Variants in GAREM1 observed in about 807,000 individuals in gnomAD.
GAREM1 encodes the protein GRB2-associated and regulator of MAPK protein 1.
In GAREM1, 26 loss-of-function variants were observed where a neutral mutation model predicts 71.3. The ratio of observed to expected loss-of-function variants is 0.36; its 90% CI spans 0.27 to 0.51. The LOEUF is 0.51. Among genes scored for constraint, GAREM1 ranks in the 20% least tolerant of loss-of-function variants. The probability of loss-of-function intolerance (pLI) is 0.95; values close to 1 mark genes in which losing one functional copy is unlikely to be tolerated. For missense variants in GAREM1, 1,026 were observed against 1,103.1 expected, an observed-to-expected ratio of 0.93 and a Z score of 0.99; for synonymous variants, 440 against 433.2, an observed-to-expected ratio of 1.02 and a Z score of -0.20.
intron 2 of GAREM1, among the ~76,000 whole-genome samples, chr18:32,338,278 G>C (rs1414029826): frequency 7.2e-5 from 11 of 152,038 alleles, no homozygotes; most frequent in Non-Finnish European, 1.5e-5. Context: ...CATTCCCATA[G>C]TCTGTCTCTG....
intron 2 of GAREM1, among the ~76,000 whole-genome samples, chr18:32,383,829 T>A (rs1479258237): frequency 1.3e-5 from 2 of 152,180 alleles, no homozygotes; most frequent in East Asian, 3.8e-4. Flanking sequence ...GGTTTTTTTT[T>A]AATACTATAC....
intron 4 of GAREM1, among the ~76,000 whole-genome samples, chr18:32,271,402 A>T (rs1034357674): frequency 8.5e-5 from 13 of 152,126 alleles, no homozygotes; most frequent in South Asian, 2.1e-4. Context: ...GATGTTGGCC[A>T]GGCTGGTCTT....
At chr18:32,466,347 C>A (rs1331029806) in intron 1 of GAREM1, among the ~76,000 whole-genome samples, 1 of 152,022 alleles carries the variant, frequency 6.6e-6, no homozygotes, top group Non-Finnish European at 1.5e-5. Flanking sequence ...ATTCTTGAAT[C>A]TCATGAATTT....
At chr18:32,444,047 C>T (rs1031554192) in intron 1 of GAREM1, among the ~76,000 whole-genome samples, 5 of 152,022 alleles carry the variant, frequency 3.3e-5, no homozygotes, top group African/African-American at 1.2e-4. Context: ...TCCATTTACA[C>T]AAAATGTCCA....
At chr18:32,429,763 C>G (rs2048606068) in intron 1 of GAREM1, among the ~76,000 whole-genome samples, 1 of 152,186 alleles carries the variant, frequency 6.6e-6, no homozygotes, top group African/African-American at 2.4e-5. Context: ...TAAAGGTGAA[C>G]TTTAATTCTA....
intron 3 of GAREM1, among the ~76,000 whole-genome samples, chr18:32,306,502 C>G (rs2047257738): frequency 6.6e-6 from 1 of 152,124 alleles, no homozygotes; most frequent in South Asian, 2.1e-4. Flanking sequence ...ATCCTCCACC[C>G]CACAGTCATG....
intron 2 of GAREM1, among the ~76,000 whole-genome samples, chr18:32,376,783 A>G (rs1254488710): frequency 6.6e-6 from 1 of 152,224 alleles, no homozygotes; most frequent in Non-Finnish European, 1.5e-5. Context: ...GGCTGCAATG[A>G]GCCGAGATTG....
At chr18:32,340,260 T>C (rs1567970763) in intron 2 of GAREM1, among the ~76,000 whole-genome samples, 2 of 152,242 alleles carry the variant, frequency 1.3e-5, no homozygotes, top group Non-Finnish European at 2.9e-5. Context: ...TGACAAGTGA[T>C]GGGTGTCAGT....
At chr18:32,342,005 C>T (rs1194361209) in intron 2 of GAREM1, among the ~76,000 whole-genome samples, 1 of 150,590 alleles carries the variant, frequency 6.6e-6, no homozygotes, top group Admixed American at 6.6e-5. Context: ...TATTGCAGGC[C>T]ACCAAAAAAG....
intron 2 of GAREM1, among the ~76,000 whole-genome samples, chr18:32,315,584 G>A (rs182464001): frequency 2.4e-4 from 36 of 150,932 alleles, no homozygotes; most frequent in African/African-American, 8.5e-4. Flanking sequence ...TCTGGTGTAT[G>A]TTTTACACTT....
At chr18:32,335,777 T>A (rs1196803583) in intron 2 of GAREM1, among the ~76,000 whole-genome samples, 1 of 152,240 alleles carries the variant, frequency 6.6e-6, no homozygotes, top group African/African-American at 2.4e-5. Context: ...ATATAATACC[T>A]TCTTTAGATG....
intron 2 of GAREM1, among the ~76,000 whole-genome samples, chr18:32,369,465 T>G (rs184609792): frequency 1.3e-5 from 2 of 152,228 alleles, no homozygotes; most frequent in African/African-American, 4.8e-5. Context: ...TTTATCTATA[T>G]GTATGATACA....
At chr18:32,412,367 A>T in intron 1 of GAREM1, 1 of 1,592,218 alleles carries the variant, frequency 6.3e-7, no homozygotes, top group Non-Finnish European at 8.5e-7. Flanking sequence ...CAAAATTTGA[A>T]GACTGATTGT....
chr18:32,328,756 C>A (rs115468933), intron 2 of GAREM1, among the ~76,000 whole-genome samples: 1 of 152,094 alleles, frequency 6.6e-6, no homozygotes, highest in African/African-American at 2.4e-5. Flanking sequence ...CCTGATACCA[C>A]TTAGGGGCAG....
intron 2 of GAREM1, among the ~76,000 whole-genome samples, chr18:32,368,279 C>T (rs1365161036): frequency 6.6e-6 from 1 of 152,032 alleles, no homozygotes; most frequent in Non-Finnish European, 1.5e-5. Context: ...GTCCTGCTAG[C>T]CTCTCCCTTG....
At chr18:32,306,917 A>G (rs958340643) in intron 3 of GAREM1, among the ~76,000 whole-genome samples, 1 of 152,112 alleles carries the variant, frequency 6.6e-6, no homozygotes, top group Admixed American at 6.5e-5. Flanking sequence ...CATTTCACGC[A>G]GTTAATCGAT....
At chr18:32,297,043 G>A (rs771890644) in intron 3 of GAREM1, among the ~76,000 whole-genome samples, 2 of 152,062 alleles carry the variant, frequency 1.3e-5, no homozygotes, top group Non-Finnish European at 2.9e-5. Flanking sequence ...AGTTTTATTG[G>A]GACACTGCCA....
intron 4 of GAREM1, among the ~76,000 whole-genome samples, chr18:32,273,765 C>T (rs1256926664): frequency 6.6e-6 from 1 of 152,004 alleles, no homozygotes; most frequent in Non-Finnish European, 1.5e-5. Context: ...CAAACTGATT[C>T]TTACTTTTAG....
At chr18:32,465,251 G>GAAAAGA (rs1481114175) in intron 1 of GAREM1, among the ~76,000 whole-genome samples, 4 of 152,026 alleles carry the variant, frequency 2.6e-5, no homozygotes, top group Admixed American at 6.6e-5. Flanking sequence ...AAAAAGAAAA[G>GAAAAGA]AAAAGAAAAA....
Sources: gnomAD v4.1 joint callset for allele counts (sites outside exome capture counted in the v4.1 genomes callset) on GRCh38, gnomAD v4.1.1 for gene constraint, MANE v1.5 for transcripts, NCBI Gene and HGNC (gene_info 2026-07-23, HGNC 2026-07-21) for gene names.